Variants in TATDN3 observed in about 807,000 individuals in gnomAD.
TATDN3 encodes the protein deoxyribonuclease TATDN3.
A neutral mutation model predicts 40.1 loss-of-function variants in TATDN3; 29 were observed. The observed-to-expected ratio is 0.72, with a 90% CI of 0.54 to 0.99. TATDN3 has a LOEUF of 0.99. Among genes scored for constraint, TATDN3 ranks in the 50% least tolerant of loss-of-function variants. The probability of loss-of-function intolerance (pLI) is 0.00; values close to 1 mark genes in which losing one functional copy is unlikely to be tolerated. For synonymous variants in TATDN3, 105 were observed against 117.0 expected, an observed-to-expected ratio of 0.90 and a Z score of 0.66; for missense variants, 309 against 321.9, an observed-to-expected ratio of 0.96 and a Z score of 0.31.
intron 4 of TATDN3, among the ~76,000 whole-genome samples, chr1:212,801,091 G>A (rs1441987390): frequency 6.6e-6 from 1 of 151,834 alleles, no homozygotes; most frequent in Non-Finnish European, 1.5e-5. Context: ...TCGAGAGGCT[G>A]AGATGGGAGA....
chr1:212,796,712 C>T, intron 3 of TATDN3, 122 bp downstream of exon 3: 3 of 645,792 alleles, frequency 4.6e-6, no homozygotes, highest in Non-Finnish European at 5.0e-6. Flanking sequence ...TTAACATAGC[C>T]CTAAAGAGAT....
intron 4 of TATDN3, among the ~76,000 whole-genome samples, chr1:212,802,055 T>A (rs941879417): frequency 6.6e-6 from 1 of 152,246 alleles, no homozygotes; most frequent in Admixed American, 6.5e-5. Flanking sequence ...CAATTTTCCA[T>A]ATATTTATTT....
intron 1 of TATDN3, chr1:212,792,795 TGTG>T (rs1395913415): frequency 6.6e-6 from 1 of 152,240 alleles, no homozygotes; most frequent in Admixed American, 6.6e-5. Flanking sequence ...GCCTGGGCAA[TGTG>T]GTGAGACCCC....
intron 9 of TATDN3, among the ~76,000 whole-genome samples, chr1:212,813,043 G>A (rs1406864527): frequency 1.3e-5 from 2 of 152,024 alleles, no homozygotes; most frequent in African/African-American, 2.4e-5. Flanking sequence ...AGTATTACAT[G>A]AAGTAACGTA....
intron 4 of TATDN3, 70 bp from the exon 5 acceptor site, chr1:212,802,631 C>T (rs949852413): frequency 2.9e-6 from 3 of 1,039,938 alleles, no homozygotes; most frequent in African/African-American, 3.1e-5. Flanking sequence ...TAGCACCTAG[C>T]ACATAATAGG....
intron 3 of TATDN3, 121 bp from the exon 4 acceptor site, chr1:212,796,991 C>T: frequency 1.4e-6 from 1 of 719,886 alleles, no homozygotes; most frequent in Non-Finnish European, 2.4e-6. Flanking sequence ...CTGGTTCAGC[C>T]TCCCAAAGTG....
At chr1:212,799,248 G>A (rs1189100334) in intron 4 of TATDN3, among the ~76,000 whole-genome samples, 1 of 152,128 alleles carries the variant, frequency 6.6e-6, no homozygotes, top group Non-Finnish European at 1.5e-5. Flanking sequence ...AATGTGAGAA[G>A]TACCAAGACG....
chr1:212,809,109 G>A (rs1662709533), intron 8 of TATDN3, among the ~76,000 whole-genome samples: 1 of 152,170 alleles, frequency 6.6e-6, no homozygotes, highest in South Asian at 2.1e-4. Flanking sequence ...CTAAGAGAAA[G>A]CAACCAGACG....
intron 4 of TATDN3, among the ~76,000 whole-genome samples, chr1:212,799,588 A>G (rs1458103073): frequency 6.6e-6 from 1 of 150,922 alleles, no homozygotes; most frequent in East Asian, 1.9e-4. Flanking sequence ...CCCAGGCTGC[A>G]GTGCAGTGGC....
rs371974676 is a variant in TATDN3 at position 212,805,062 on chromosome 1, A to G, written c.487+411A>G. 8.6e-5 allele frequency among the ~76,000 whole-genome samples: 13 copies of G among 151,774 alleles called. 1 individual carries two copies. In the East Asian group the frequency reaches 2.1e-3, roughly 25 times the overall value. On this transcript the variant is annotated intron_variant, in intron 7 of 9. Transcript: ENST00000366974. The stretch of plus-strand genomic sequence containing the variant: ...CTGCAACCTCTGCCTCCTGGGTTCA[A>G]GCAATTATCCTGCCTCAGCCTCCCA...
chr1:212,798,065 G>A (rs953948488), intron 4 of TATDN3, among the ~76,000 whole-genome samples: 9 of 152,086 alleles, frequency 5.9e-5, no homozygotes, highest in Non-Finnish European at 1.2e-4. Flanking sequence ...AGTGGCTCGT[G>A]CCTGTAATCC....
At chr1:212,802,380 T>C (rs1335608004) in intron 4 of TATDN3, among the ~76,000 whole-genome samples, 1 of 152,186 alleles carries the variant, frequency 6.6e-6, no homozygotes, top group East Asian at 1.9e-4. Flanking sequence ...TTGCCTCTCT[T>C]TTTCTTAGTG....
At chr1:212,813,558 TTTC>T (rs1410896800) in intron 9 of TATDN3, among the ~76,000 whole-genome samples, 1 of 140,444 alleles carries the variant, frequency 7.1e-6, no homozygotes, top group Non-Finnish European at 1.5e-5. Context: ...TTTTATTTTC[TTTC>T]TTTTCTTTTT....
chr1:212,796,935 C>A, intron 3 of TATDN3, 177 bp from the exon 4 acceptor site: 1 of 538,472 alleles, frequency 1.9e-6, no homozygotes. Flanking sequence ...AGGATTTCAC[C>A]ATGTTGGCCA....
Position 212,804,339 on chromosome 1 carries a change from C to T in TATDN3, c.341C>T (p.Pro114Leu), listed in dbSNP as rs1328985539. 1.6e-5 allele frequency: 26 copies of T among 1,613,880 alleles called. No individual in the cohort carries two copies. Among genetic ancestry groups the T allele is most frequent in the Non-Finnish European group, 2.2e-5 (26 of 1,179,906 alleles). ...AIGEVGLDFS[P>L]RFAGTGEQKE... ...CTCTAGGTTGGACTAGATTTCTCCC[C>T]CAGATTTGCTGGCACTGGTGAACAG... The change falls in exon 6 of 10, where the codon CCC (proline) becomes CTC (leucine). Residue 114 changes from proline to leucine, a missense_variant. By Grantham distance (98) the Pro-to-Leu change is moderately conservative (BLOSUM62 -3). Coordinates refer to ENST00000366974, the MANE Select transcript of TATDN3 (RefSeq NM_001042552.3).
At chr1:212,793,977 C>T (rs1265478779) in intron 1 of TATDN3, among the ~76,000 whole-genome samples, 1 of 152,054 alleles carries the variant, frequency 6.6e-6, no homozygotes, top group East Asian at 1.9e-4. Flanking sequence ...GAGAGAATTA[C>T]AAGCTAAAGA....
chr1:212,813,465 T>G (rs1663006590), intron 9 of TATDN3, among the ~76,000 whole-genome samples: 1 of 152,152 alleles, frequency 6.6e-6, no homozygotes, highest in Non-Finnish European at 1.5e-5. Flanking sequence ...ACAGTAGCAA[T>G]TATTATCCGT....
chr1:212,806,904 GTATATACACA>G lies in TATDN3; in HGVS notation c.488-823_488-814del, dbSNP rs1444196715. 1.8e-4 allele frequency among the ~76,000 whole-genome samples: 17 copies of G among 92,358 alleles called. 1 individual carries two copies. Among genetic ancestry groups the G allele is most frequent in the African/African-American group, 1.1e-4 (2 of 18,602 alleles). 60.6% of individuals were successfully genotyped at this position (92,358 alleles called of 152,430 possible). On this transcript the variant is annotated intron_variant, in intron 7 of 9. Transcript: ENST00000366974. ...TATGTATATACACATATATACATATGTATATACACATATATACATATATATATATTTATTT... is the reference window on the plus strand; with the variant it reads ...TATGTATATACACATATATACATATGTATATACATATATATATATTTATTT...
chr1:212,806,821 T>C (rs1272786325), intron 7 of TATDN3, among the ~76,000 whole-genome samples: 2 of 93,400 alleles, frequency 2.1e-5, no homozygotes, highest in Admixed American at 1.1e-4. Flanking sequence ...TATATACACA[T>C]ATATACATAT....
Sources: allele counts gnomAD v4.1 joint callset (sites outside exome capture counted in the v4.1 genomes callset), GRCh38; gene constraint gnomAD v4.1.1; transcripts MANE v1.5; gene names NCBI Gene and HGNC (gene_info 2026-07-23, HGNC 2026-07-21).